CTNNA2: variants seen among roughly 807,000 people sequenced by gnomAD.
The protein encoded by CTNNA2 is catenin alpha 2, also known as catenin alpha-2.
A neutral mutation model predicts 101.0 loss-of-function variants in CTNNA2; 42 were observed. The ratio of observed to expected loss-of-function variants is 0.42; its 90% CI spans 0.32 to 0.54. CTNNA2 has a LOEUF of 0.54. Ranked by LOEUF, CTNNA2 falls within the 20% of genes least tolerant of loss-of-function variation. The probability of loss-of-function intolerance (pLI) is 0.14; values close to 1 mark genes in which losing one functional copy is unlikely to be tolerated. For missense variants in CTNNA2, 871 were observed against 1,223.1 expected, an observed-to-expected ratio of 0.71 and a Z score of 4.29; for synonymous variants, 450 against 456.4, an observed-to-expected ratio of 0.99 and a Z score of 0.18.
At chr2:80,457,506 A>C (rs1684083346) in intron 9 of CTNNA2, among the ~76,000 whole-genome samples, 2 of 152,188 alleles carry the variant, frequency 1.3e-5, no homozygotes, top group Non-Finnish European at 2.9e-5. Flanking sequence ...GCTGACACAT[A>C]ATAAGTATAC....
chr2:79,455,169 A>G (rs1271487914), intron 4 of CTNNA2, among the ~76,000 whole-genome samples: 1 of 152,248 alleles, frequency 6.6e-6, no homozygotes, highest in Non-Finnish European at 1.5e-5. Context: ...ATAATTAAGT[A>G]TTCTTGAATC....
chr2:80,181,308 G>A (rs1705761032), intron 7 of CTNNA2, among the ~76,000 whole-genome samples: 1 of 152,166 alleles, frequency 6.6e-6, no homozygotes, highest in African/African-American at 2.4e-5. Context: ...TGGGGAAGGA[G>A]ATGTTGCCAC....
intron 7 of CTNNA2, among the ~76,000 whole-genome samples, chr2:79,982,409 A>C (rs1344384639): frequency 2.0e-5 from 3 of 146,772 alleles, no homozygotes; most frequent in African/African-American, 7.5e-5. Flanking sequence ...TATAACATAT[A>C]ACACATATAT....
intron 7 of CTNNA2, among the ~76,000 whole-genome samples, chr2:80,260,816 A>G (rs1005440086): frequency 7.9e-5 from 12 of 152,242 alleles, no homozygotes; most frequent in African/African-American, 2.7e-4. Context: ...AAGTCAGCTG[A>G]TAATTCGTAA....
At chr2:79,979,959 T>A (rs1691139636) in intron 7 of CTNNA2, among the ~76,000 whole-genome samples, 1 of 152,196 alleles carries the variant, frequency 6.6e-6, no homozygotes, top group Non-Finnish European at 1.5e-5. Flanking sequence ...TGAGACTTTG[T>A]GTTCTCATCT....
intron 7 of CTNNA2, among the ~76,000 whole-genome samples, chr2:80,097,857 C>A (rs1700260505): frequency 1.3e-5 from 2 of 152,224 alleles, no homozygotes; most frequent in African/African-American, 4.8e-5. Flanking sequence ...TCAGCTCCAT[C>A]AGGTCCTTTA....
chr2:79,536,659 C>T (rs1673087528), intron 1 of CTNNA2, among the ~76,000 whole-genome samples: 1 of 149,196 alleles, frequency 6.7e-6, no homozygotes, highest in Non-Finnish European at 1.5e-5. Flanking sequence ...CCCTACTCTA[C>T]TGTCGTCACT....
chr2:80,534,318 T>A (rs1316068450), intron 9 of CTNNA2, among the ~76,000 whole-genome samples: 3 of 152,200 alleles, frequency 2.0e-5, no homozygotes, highest in Non-Finnish European at 4.4e-5. Context: ...GTTCACTTGA[T>A]ATTAGCTGGT....
chr2:80,158,302 T>C (rs554943321), intron 7 of CTNNA2, among the ~76,000 whole-genome samples: 45 of 152,326 alleles, frequency 3.0e-4, no homozygotes, highest in African/African-American at 1.1e-3. Context: ...CCATGTACTG[T>C]CTCATACATT....
intron 3 of CTNNA2, among the ~76,000 whole-genome samples, chr2:79,847,528 G>A (rs919041075): frequency 9.4e-6 from 1 of 106,332 alleles, no homozygotes; most frequent in Non-Finnish European, 1.7e-5. Context: ...GGGTGACAGA[G>A]TGAGACTCTG....
intron 2 of CTNNA2, among the ~76,000 whole-genome samples, chr2:79,246,676 A>T (rs1382944206): frequency 6.6e-6 from 1 of 152,238 alleles, no homozygotes; most frequent in Non-Finnish European, 1.5e-5. Flanking sequence ...ACATATCAGC[A>T]TTCTGTTGGT....
At chr2:79,389,854 G>A (rs1304942817) in intron 4 of CTNNA2, among the ~76,000 whole-genome samples, 1 of 151,928 alleles carries the variant, frequency 6.6e-6, no homozygotes, top group Admixed American at 6.6e-5. Flanking sequence ...AATAATCAAT[G>A]GTATGCCTTC....
At chr2:79,550,586 A>G (rs1409577017) in intron 1 of CTNNA2, among the ~76,000 whole-genome samples, 1 of 152,184 alleles carries the variant, frequency 6.6e-6, no homozygotes, top group Non-Finnish European at 1.5e-5. Context: ...AAAATGCCCA[A>G]ATGTTACCCC....
intron 9 of CTNNA2, among the ~76,000 whole-genome samples, chr2:80,441,485 T>G (rs1682567705): frequency 6.6e-6 from 1 of 152,178 alleles, no homozygotes; most frequent in Non-Finnish European, 1.5e-5. Context: ...AATGAAGTCA[T>G]TTTTCTCAGA....
chr2:80,084,190 A>G (rs1427206976), intron 7 of CTNNA2, among the ~76,000 whole-genome samples: 4 of 152,128 alleles, frequency 2.6e-5, no homozygotes, highest in East Asian at 3.9e-4. Flanking sequence ...AGTGACAGGA[A>G]CTATTGAGAA....
chr2:79,990,380 G>C (rs1456133008), intron 7 of CTNNA2, among the ~76,000 whole-genome samples: 1 of 152,270 alleles, frequency 6.6e-6, no homozygotes, highest in South Asian at 2.1e-4. Context: ...TGGCCCTACT[G>C]ATACCAGGAA....
chr2:79,491,577 A>G (rs1671207573), intron 4 of CTNNA2, among the ~76,000 whole-genome samples: 3 of 152,206 alleles, frequency 2.0e-5, no homozygotes, highest in African/African-American at 7.2e-5. Flanking sequence ...CAGGGTCCAG[A>G]GGAAAGCTTC....
rs1674589848 is a variant in CTNNA2 at position 79,238,943 on chromosome 2, C to T, written c.-406+40867C>T. Among the ~76,000 whole-genome samples the T allele has an allele frequency of 3.3e-5, 5 of 152,164 alleles. No homozygotes were observed. In the South Asian group the frequency reaches 1.0e-3, roughly 32 times the overall value. On this transcript the variant is annotated intron_variant, in intron 2 of 21. Coordinates refer to the CTNNA2 transcript ENST00000466387. ...AAGGCAAAATACAAGAATAAAAGTG[C>T]TTTTTAAAAATAAATTTTTATTTTT...
At position 79,930,384 on chromosome 2, in the gene CTNNA2, C is replaced by A. The variant is rs2974147; in HGVS notation, c.1056+20587C>A. Reference sequence around the variant, plus strand: ...TGAACACGGGTTCTAGCCACCTCCTCCCTCACTTCAGAGGACTCTTTGACA... The same window carrying A: ...TGAACACGGGTTCTAGCCACCTCCTACCTCACTTCAGAGGACTCTTTGACA... On this transcript the variant is annotated intron_variant, in intron 7 of 18. Coordinates refer to ENST00000402739, the MANE Select transcript of CTNNA2 (RefSeq NM_001282597.3). Among the ~76,000 whole-genome samples the A allele has an allele frequency of 3.3e-5, 5 of 150,196 alleles. No homozygotes were observed. In the East Asian group the frequency reaches 9.8e-4, roughly 29 times the overall value.
Sources: allele counts gnomAD v4.1 joint callset (sites outside exome capture counted in the v4.1 genomes callset), GRCh38; gene constraint gnomAD v4.1.1; transcripts MANE v1.5; gene names NCBI Gene and HGNC (gene_info 2026-07-23, HGNC 2026-07-21).